FAM81B: variants seen among roughly 807,000 people sequenced by gnomAD.
The protein encoded by FAM81B is family with sequence similarity 81 member B, also known as protein FAM81B.
A neutral mutation model predicts 58.7 loss-of-function variants in FAM81B; 60 were observed. The ratio of observed to expected loss-of-function variants is 1.02; its 90% CI spans 0.83 to 1.27. FAM81B has a LOEUF of 1.27. Among genes scored for constraint, FAM81B ranks in the 50% most tolerant of loss-of-function variants. The pLI is 0.00. For missense variants in FAM81B, 491 were observed against 522.0 expected (o/e 0.94, Z 0.58); for synonymous variants, 189 against 179.6 (o/e 1.05, Z -0.42).
At chr5:95,446,511 TTTA>T in intron 7 of FAM81B, 48 bp from the exon 8 acceptor site, 1 of 1,464,818 alleles carries the variant, frequency 6.8e-7, no homozygotes, top group Non-Finnish European at 9.1e-7. Flanking sequence ...ATACTAATTT[TTTA>T]TGTTTAAATT....
At chr5:95,424,070 T>C (rs1762760287) in intron 5 of FAM81B, 5 of 1,289,650 alleles carry the variant, frequency 3.9e-6, no homozygotes, top group Admixed American at 2.3e-5. Context: ...CTTGCCCGCT[T>C]ATACCTGAGA....
chr5:95,418,564 A>G (rs1762596708), intron 4 of FAM81B, among the ~76,000 whole-genome samples: 1 of 152,174 alleles, frequency 6.6e-6, no homozygotes, highest in South Asian at 2.1e-4. Flanking sequence ...TTGTTATAAT[A>G]GTTCTATTTT....
At chr5:95,426,022 G>A (rs972585357) in intron 5 of FAM81B, among the ~76,000 whole-genome samples, 1 of 146,066 alleles carries the variant, frequency 6.8e-6, no homozygotes, top group African/African-American at 2.5e-5. Flanking sequence ...AAAATTAAAT[G>A]TAATATTTTA....
intron 5 of FAM81B, among the ~76,000 whole-genome samples, chr5:95,420,694 T>G (rs922287693): frequency 6.7e-6 from 1 of 149,338 alleles, no homozygotes; most frequent in South Asian, 2.1e-4. Context: ...AGACGCACCT[T>G]CATAACCATG....
chr5:95,400,533 CTAAT>C (rs1171083474), intron 3 of FAM81B, among the ~76,000 whole-genome samples: 2 of 152,128 alleles, frequency 1.3e-5, no homozygotes, highest in African/African-American at 4.8e-5. Flanking sequence ...CTCACCTTAA[CTAAT>C]TATATCTGCA....
At chr5:95,401,068 C>T (rs1474119292) in intron 3 of FAM81B, among the ~76,000 whole-genome samples, 1 of 152,174 alleles carries the variant, frequency 6.6e-6, no homozygotes, top group African/African-American at 2.4e-5. Context: ...GACATCCACC[C>T]TGCCCTCACT....
chr5:95,409,486 T>TTTTTTTCTTTTTTTTTTTTTTGAG (rs1554043553), intron 3 of FAM81B, among the ~76,000 whole-genome samples: 2 of 151,402 alleles, frequency 1.3e-5, no homozygotes, highest in South Asian at 2.1e-4. Context: ...GAATTTTTCT[T>TTTTTTTCTTTTTTTTTTTTTTGAG]AATGTGGCTA....
chr5:95,420,942 G>A (rs1427420905), intron 5 of FAM81B, among the ~76,000 whole-genome samples: 2 of 152,030 alleles, frequency 1.3e-5, no homozygotes, highest in Non-Finnish European at 2.9e-5. Flanking sequence ...GGCTGACTGT[G>A]GACACCTTTC....
At position 95,414,117 on chromosome 5, in the gene FAM81B, T is replaced by A. The variant is rs750962424; in HGVS notation, c.464T>A (p.Leu155His). ...GTHGFRKEES[L>H]ARKLLESHIQ... The stretch of plus-strand genomic sequence containing the variant: ...CATGGCTTTCGAAAAGAGGAATCGC[T>A]CGCCAGGAAGTTACTGGAAAGCCAC... Residue 155 changes from leucine (L) to histidine (H), a missense_variant, in exon 4 of 10, where the codon CTC (leucine) becomes CAC (histidine). By Grantham distance (99) the Leu-to-His change is moderately conservative (BLOSUM62 -3). Coordinates refer to ENST00000283357, the MANE Select transcript of FAM81B (RefSeq NM_152548.3). The A allele has an allele frequency of 2.5e-6, 4 of 1,614,050 alleles. No individual in the cohort carries two copies. The highest frequency in any genetic ancestry group is 3.4e-6 in the Non-Finnish European group (4 of 1,179,990).
chr5:95,419,718 A>G (rs909968337), intron 4 of FAM81B, among the ~76,000 whole-genome samples: 1 of 152,188 alleles, frequency 6.6e-6, no homozygotes, highest in Non-Finnish European at 1.5e-5. Context: ...TCTCTAAAAA[A>G]TCTAGATAAA....
intron 5 of FAM81B, among the ~76,000 whole-genome samples, chr5:95,427,855 G>A (rs991652164): frequency 3.9e-5 from 6 of 152,210 alleles, no homozygotes; most frequent in East Asian, 1.9e-4. Context: ...AGAGAGTCAC[G>A]GGTAACAGTT....
chr5:95,428,878 C>T (rs780684447), intron 6 of FAM81B, 146 bp downstream of exon 6: 39 of 1,079,766 alleles, frequency 3.6e-5, no homozygotes, highest in East Asian at 7.5e-5. Context: ...CACTCATATA[C>T]GCCATGGAAA....
chr5:95,438,591 G>C (rs1307483680), intron 7 of FAM81B, among the ~76,000 whole-genome samples: 4 of 152,026 alleles, frequency 2.6e-5, no homozygotes, highest in African/African-American at 9.7e-5. Flanking sequence ...TTTTATAACA[G>C]TGTAAACTTG....
At chr5:95,416,273 A>G (rs1418998222) in intron 4 of FAM81B, among the ~76,000 whole-genome samples, 1 of 152,258 alleles carries the variant, frequency 6.6e-6, no homozygotes, top group Non-Finnish European at 1.5e-5. Flanking sequence ...CAAGTTGGCT[A>G]TCAAGATCAA....
intron 5 of FAM81B, among the ~76,000 whole-genome samples, chr5:95,426,125 T>TATATATATATAC (rs781083080): frequency 5.3e-5 from 5 of 94,282 alleles, no homozygotes; most frequent in Admixed American, 1.0e-4. Context: ...TATATATATG[T>TATATATATATAC]ACACATATAT....
chr5:95,434,018 A>C (rs57529864), intron 6 of FAM81B, among the ~76,000 whole-genome samples: 1 of 152,084 alleles, frequency 6.6e-6, no homozygotes, highest in East Asian at 1.9e-4. Context: ...ATCAATCCCC[A>C]TACCTTTTGT....
intron 7 of FAM81B, among the ~76,000 whole-genome samples, chr5:95,441,085 G>A (rs568702176): frequency 6.6e-6 from 1 of 152,110 alleles, no homozygotes; most frequent in African/African-American, 2.4e-5. Flanking sequence ...ATTGAAACCC[G>A]AGACGATGGC....
intron 2 of FAM81B, among the ~76,000 whole-genome samples, chr5:95,393,276 AAAAGAACATTTTTT>A (rs1204222067): frequency 3.3e-5 from 5 of 152,310 alleles, no homozygotes; most frequent in African/African-American, 1.2e-4. Context: ...TTCTCCGTTA[AAAAGAACATTTTTT>A]AAAGCAGTGT....
At position 95,428,727 on chromosome 5, in the gene FAM81B, A is replaced by G. The variant is rs771536970; in HGVS notation, c.781A>G (p.Met261Val). 2.5e-6 allele frequency: 4 copies of G among 1,613,730 alleles called. No individual in the cohort carries two copies. Among genetic ancestry groups the G allele is most frequent in the Non-Finnish European group, 8.5e-7 (1 of 1,179,738 alleles). ...ALETLSKNLD[M>V]KVMQLLGKIE... ...GGAAACTCTTTCCAAGAACTTGGAC[A>G]TGAAGGTAATTGAAAATAGATGGGA... The change falls in exon 6 of 10, where the codon ATG (methionine) becomes GTG (valine). Residue 261 changes from methionine to valine, a missense_variant. By Grantham distance (21) the Met-to-Val change is conservative. Transcript: ENST00000283357.
Sources: allele counts gnomAD v4.1 joint callset (sites outside exome capture counted in the v4.1 genomes callset), GRCh38; gene constraint gnomAD v4.1.1; transcripts MANE v1.5; gene names NCBI Gene and HGNC (gene_info 2026-07-23, HGNC 2026-07-21).